Variants in LNPEP observed in about 807,000 individuals in gnomAD.
The protein encoded by LNPEP is leucyl-cystinyl aminopeptidase.
In LNPEP, 64 loss-of-function variants were observed where a neutral mutation model predicts 120.6. The ratio of observed to expected loss-of-function variants is 0.53; its 90% CI spans 0.43 to 0.65. The LOEUF (loss-of-function observed/expected upper bound fraction) is 0.65, where lower values mean the gene tolerates loss of function less well. Among genes scored for constraint, LNPEP ranks in the 30% least tolerant of loss-of-function variants. The pLI is 0.00. For synonymous variants in LNPEP, 435 were observed against 425.4 expected (o/e 1.02, Z -0.28); for missense variants, 1,057 against 1,200.0 (o/e 0.88, Z 1.76).
rs1432820178 is a variant in LNPEP at position 97,032,127 on chromosome 5, T to C, written c.*3594T>C. On this transcript the variant is annotated 3_prime_UTR_variant, in exon 18 of 18. Coordinates refer to ENST00000231368, the MANE Select transcript of LNPEP (RefSeq NM_005575.3). ...GGGCTGCAAAACTAGATGTGGATTT[T>C]GTTACTTAGGCCTCTCTAAAAACTG... 4 of 152,182 alleles carry C rather than the reference T, an allele frequency of 2.6e-5. No homozygotes were observed. The highest frequency in any genetic ancestry group is 9.7e-5 in the African/African-American group (4 of 41,442). The allele number at this position is 152,182 out of a possible 1,614,324, so 9.4% of individuals were successfully genotyped here.
intron 1 of LNPEP, among the ~76,000 whole-genome samples, chr5:96,957,461 G>A (rs1046670995): frequency 6.6e-6 from 1 of 152,108 alleles, no homozygotes; most frequent in Non-Finnish European, 1.5e-5. Context: ...TAGAGTTGCG[G>A]TTGCTAATCA....
intron 1 of LNPEP, among the ~76,000 whole-genome samples, chr5:96,971,604 T>C (rs888770618): frequency 2.0e-5 from 3 of 152,068 alleles, no homozygotes; most frequent in Non-Finnish European, 4.4e-5. Context: ...GTCTCATTGT[T>C]CTTCAAATTG....
chr5:96,940,916 A>G (rs1037937279), intron 1 of LNPEP, among the ~76,000 whole-genome samples: 2 of 152,168 alleles, frequency 1.3e-5, no homozygotes, highest in African/African-American at 2.4e-5. Context: ...TATACTTTCT[A>G]GTTTGTGATA....
chr5:96,991,817 T>C (rs1266213135), intron 4 of LNPEP, among the ~76,000 whole-genome samples: 1 of 146,188 alleles, frequency 6.8e-6, no homozygotes, highest in African/African-American at 2.5e-5. Flanking sequence ...TGTTTTTGCT[T>C]TGAGAAATTG....
chr5:97,010,514 A>G, intron 11 of LNPEP: 1 of 984,612 alleles, frequency 1.0e-6, no homozygotes, highest in Non-Finnish European at 1.2e-6. Context: ...AATAGCATGT[A>G]TGATGCTAGC....
intron 1 of LNPEP, among the ~76,000 whole-genome samples, chr5:96,950,858 A>C (rs531705551): frequency 6.6e-6 from 1 of 152,326 alleles, no homozygotes; most frequent in South Asian, 2.1e-4. Flanking sequence ...CCTACTCCTT[A>C]GTATATTTAT....
chr5:96,991,479 AT>A (rs887886713), intron 4 of LNPEP, among the ~76,000 whole-genome samples: 23 of 151,488 alleles, frequency 1.5e-4, no homozygotes, highest in Non-Finnish European at 2.8e-4. Flanking sequence ...TTATTTTCTG[AT>A]TTTTTTTGGT....
rs538323592 is a variant in LNPEP, at chr5:96,941,739, A to G, written c.19+5565A>G. 7.2e-5 allele frequency among the ~76,000 whole-genome samples: 11 copies of G among 152,294 alleles called. No individual in the cohort carries two copies. The South Asian group carries it at 1.2e-3, about 17-fold the overall frequency. On this transcript the variant is annotated intron_variant, in intron 1 of 17. Transcript: ENST00000231368. ...GTGGACAGGATTCCCTTGTAACCTT[A>G]TCCATTGTTGTAATTCATTTGTGAT...
Position 97,030,191 on chromosome 5 carries a change from T to C in LNPEP, c.*1658T>C, listed in dbSNP as rs1319262324. 6.6e-6 allele frequency: 1 copy of C among 152,068 alleles called. No individual in the cohort carries two copies. Among genetic ancestry groups the C allele is most frequent in the African/African-American group, 2.4e-5 (1 of 41,450 alleles). The allele number at this position is 152,068 out of a possible 1,614,324, so 9.4% of individuals were successfully genotyped here. On this transcript the variant is annotated 3_prime_UTR_variant, in exon 18 of 18. Coordinates refer to ENST00000231368, the MANE Select transcript of LNPEP (RefSeq NM_005575.3). ...AAAAAATAGTCTTCTTTAATCCTAGTGTGTTTTCCCCAATTTAGTCTTTTC... is the reference window on the plus strand; with the variant it reads ...AAAAAATAGTCTTCTTTAATCCTAGCGTGTTTTCCCCAATTTAGTCTTTTC...
intron 12 of LNPEP, among the ~76,000 whole-genome samples, chr5:97,014,105 G>A (rs1214041415): frequency 3.3e-5 from 5 of 152,038 alleles, no homozygotes; most frequent in Non-Finnish European, 7.4e-5. Flanking sequence ...CTTGATACAC[G>A]AGTTCAAGCT....
intron 8 of LNPEP, among the ~76,000 whole-genome samples, chr5:97,000,512 T>C (rs1366755257): frequency 6.6e-6 from 1 of 152,210 alleles, no homozygotes; most frequent in Non-Finnish European, 1.5e-5. Flanking sequence ...GATTTCCTTC[T>C]GGGTGTCTGG....
chr5:97,011,534 G>T (rs1432433081), intron 11 of LNPEP, among the ~76,000 whole-genome samples: 2 of 152,082 alleles, frequency 1.3e-5, no homozygotes, highest in Non-Finnish European at 2.9e-5. Flanking sequence ...CCAGCCCTAG[G>T]GTTCTTTCTT....
intron 1 of LNPEP, among the ~76,000 whole-genome samples, chr5:96,978,738 T>A (rs1188469066): frequency 6.6e-6 from 1 of 152,166 alleles, no homozygotes; most frequent in Non-Finnish European, 1.5e-5. Flanking sequence ...GCACATCCCT[T>A]TGATCCTACT....
intron 1 of LNPEP, among the ~76,000 whole-genome samples, chr5:96,959,526 G>A (rs1462554395): frequency 6.6e-6 from 1 of 152,132 alleles, no homozygotes; most frequent in Non-Finnish European, 1.5e-5. Flanking sequence ...AAATATCAAT[G>A]TAATTATGTT....
rs1003807844 is a variant in LNPEP at position 97,035,153 on chromosome 5, T to C, written c.*6620T>C. ...ATAGTTTCATATCTTGGGTTTTTTA[T>C]TGTTTAATTTTTTTTTATGGGGAGG... On this transcript the variant is annotated 3_prime_UTR_variant, in exon 18 of 18. Coordinates refer to ENST00000231368, the MANE Select transcript of LNPEP (RefSeq NM_005575.3). 1 of 152,092 alleles carries C rather than the reference T, an allele frequency of 6.6e-6. No individual in the cohort carries two copies. Among genetic ancestry groups the C allele is most frequent in the Non-Finnish European group, 1.5e-5 (1 of 67,990 alleles). The allele number at this position is 152,092 out of a possible 1,614,324, so 9.4% of individuals were successfully genotyped here.
intron 11 of LNPEP, among the ~76,000 whole-genome samples, chr5:97,008,037 T>C (rs1262091665): frequency 6.6e-6 from 1 of 152,174 alleles, no homozygotes; most frequent in African/African-American, 2.4e-5. Flanking sequence ...ATATCTTTGA[T>C]AGCATAGCTG....
chr5:96,982,723 A>G (rs772803178), intron 2 of LNPEP, among the ~76,000 whole-genome samples: 1 of 152,200 alleles, frequency 6.6e-6, no homozygotes, highest in Non-Finnish European at 1.5e-5. Flanking sequence ...GTTGATTGCT[A>G]CCTTTCTTGC....
intron 1 of LNPEP, among the ~76,000 whole-genome samples, chr5:96,976,750 TAAAA>T (rs61664403): frequency 6.8e-6 from 1 of 148,030 alleles, no homozygotes; most frequent in African/African-American, 2.5e-5. Flanking sequence ...ATTTTTAAAT[TAAAA>T]AAAAAAATTA....
intron 11 of LNPEP, chr5:97,010,999 A>G (rs1255788489): frequency 4.8e-5 from 47 of 985,204 alleles, no homozygotes; most frequent in Non-Finnish European, 5.4e-5. Context: ...GATGACAGTA[A>G]TAATTTCAAG....
Sources: allele counts gnomAD v4.1 joint callset (sites outside exome capture counted in the v4.1 genomes callset), GRCh38; gene constraint gnomAD v4.1.1; transcripts MANE v1.5; gene names NCBI Gene and HGNC (gene_info 2026-07-23, HGNC 2026-07-21).